Variants in RBFOX1 observed in about 807,000 individuals in gnomAD.
RBFOX1 encodes RNA binding fox-1 homolog 1, also known as RNA binding protein fox-1 homolog 1.
A neutral mutation model predicts 57.7 loss-of-function variants in RBFOX1; 8 were observed. That is an observed-to-expected ratio of 0.14 (90% CI 0.08 to 0.25). The LOEUF (loss-of-function observed/expected upper bound fraction) is 0.25. Among genes scored for constraint, RBFOX1 ranks in the 10% least tolerant of loss-of-function variants. The pLI is 1.00. For missense variants in RBFOX1, 611 were observed against 548.5 expected, an observed-to-expected ratio of 1.11 and a Z score of -1.14; for synonymous variants, 326 against 222.4, an observed-to-expected ratio of 1.47 and a Z score of -4.15.
chr16:7,587,598 A>G (rs1273378222), intron 7 of RBFOX1, among the ~76,000 whole-genome samples: 1 of 152,194 alleles, frequency 6.6e-6, no homozygotes, highest in Non-Finnish European at 1.5e-5. Context: ...AGTGATAATT[A>G]TGTTCTTTAT....
intron 1 of RBFOX1, among the ~76,000 whole-genome samples, chr16:5,383,339 C>A (rs1485705901): frequency 1.3e-5 from 2 of 152,160 alleles, no homozygotes; most frequent in African/African-American, 4.8e-5. Flanking sequence ...AAGATGAGAG[C>A]CGCTCAGACC....
intron 4 of RBFOX1, among the ~76,000 whole-genome samples, chr16:5,888,258 C>T (rs2057949238): frequency 1.3e-5 from 2 of 152,196 alleles, no homozygotes; most frequent in African/African-American, 4.8e-5. Context: ...TCCTCTTCTT[C>T]CTGTGGGCCA....
intron 1 of RBFOX1, among the ~76,000 whole-genome samples, chr16:6,133,510 G>C (rs1010788592): frequency 1.3e-5 from 2 of 152,140 alleles, no homozygotes; most frequent in Admixed American, 1.3e-4. Flanking sequence ...AGTCAACCCT[G>C]CCTTGATTCC....
chr16:6,245,366 A>G (rs986582544), intron 1 of RBFOX1, among the ~76,000 whole-genome samples: 7 of 151,984 alleles, frequency 4.6e-5, no homozygotes, highest in African/African-American at 1.7e-4. Flanking sequence ...TTTTATGGTT[A>G]TTTAAGACTC....
At chr16:6,749,535 C>T (rs955450012) in intron 3 of RBFOX1, among the ~76,000 whole-genome samples, 1 of 152,140 alleles carries the variant, frequency 6.6e-6, no homozygotes, top group African/African-American at 2.4e-5. Context: ...ACTAACCTGC[C>T]TTTGACTTCA....
At chr16:7,400,073 G>A (rs1186161721) in intron 4 of RBFOX1, among the ~76,000 whole-genome samples, 1 of 152,076 alleles carries the variant, frequency 6.6e-6, no homozygotes, top group African/African-American at 2.4e-5. Context: ...CCTCAGGAGG[G>A]GAAGACCATT....
chr16:7,229,378 T>C (rs1381082340), intron 4 of RBFOX1, among the ~76,000 whole-genome samples: 1 of 152,184 alleles, frequency 6.6e-6, no homozygotes, highest in African/African-American at 2.4e-5. Context: ...AATGAAGTTT[T>C]GGTCCTTGCC....
chr16:6,413,636 G>C (rs927370102), intron 2 of RBFOX1, among the ~76,000 whole-genome samples: 1 of 152,182 alleles, frequency 6.6e-6, no homozygotes, highest in Non-Finnish European at 1.5e-5. Flanking sequence ...TTTGTGAAAA[G>C]ATTCTAAATA....
intron 3 of RBFOX1, among the ~76,000 whole-genome samples, chr16:6,736,565 G>A (rs2070371319): frequency 6.6e-6 from 1 of 152,100 alleles, no homozygotes; most frequent in African/African-American, 2.4e-5. Context: ...TTGAGTAATG[G>A]GCATTTGGAT....
At position 6,670,002 on chromosome 16, in the gene RBFOX1, T is replaced by G. The variant is rs549966412; in HGVS notation, c.-16+15352T>G. On this transcript the variant is annotated intron_variant, in intron 3 of 15. Coordinates refer to ENST00000550418, the MANE Select transcript of RBFOX1 (RefSeq NM_018723.4). ...ACTTACAGTAAGGAAAATCTATCTCTGTCTGTCTATCTATCTATCTGTCTA... is the reference window on the plus strand; with the variant it reads ...ACTTACAGTAAGGAAAATCTATCTCGGTCTGTCTATCTATCTATCTGTCTA... 4.1e-3 allele frequency among the ~76,000 whole-genome samples: 620 copies of G among 149,636 alleles called. 4 individuals are homozygous for G. The highest frequency in any genetic ancestry group is 0.013 in the African/African-American group (555 of 41,356).
intron 3 of RBFOX1, among the ~76,000 whole-genome samples, chr16:6,910,134 C>T (rs1333956845): frequency 6.6e-6 from 1 of 151,952 alleles, no homozygotes; most frequent in Non-Finnish European, 1.5e-5. Context: ...AGAGATTGGG[C>T]ATTCTAGCGG....
intron 2 of RBFOX1, among the ~76,000 whole-genome samples, chr16:6,430,526 A>C (rs2094049869): frequency 1.3e-5 from 2 of 152,182 alleles, no homozygotes; most frequent in South Asian, 4.1e-4. Context: ...GTGCGAAGAC[A>C]TGACGGATGG....
intron 2 of RBFOX1, among the ~76,000 whole-genome samples, chr16:6,558,810 C>G (rs1599802585): frequency 2.0e-5 from 3 of 148,378 alleles, no homozygotes. Context: ...AGCCCACTAG[C>G]TCTTGCCTTA....
intron 4 of RBFOX1, among the ~76,000 whole-genome samples, chr16:7,056,540 A>G (rs2052337597): frequency 6.6e-6 from 1 of 152,196 alleles, no homozygotes; most frequent in African/African-American, 2.4e-5. Flanking sequence ...CCTCTCCAGC[A>G]TCTGCACCAA....
Position 7,177,710 on chromosome 16 carries a change from G to C in RBFOX1, c.27+125612G>C, listed in dbSNP as rs140947884. 4.5e-3 allele frequency among the ~76,000 whole-genome samples: 686 copies of C among 152,264 alleles called. 20 individuals carry two copies. Among genetic ancestry groups the C allele is most frequent in the Admixed American group, 0.033 (509 of 15,288 alleles). The stretch of plus-strand genomic sequence containing the variant: ...GGACAGGGGTCAGCAAATCTCTTCT[G>C]TGAGGAGCCAGGTCATAAATATTTT... On this transcript the variant is annotated intron_variant, in intron 4 of 15. Transcript: ENST00000550418.
At chr16:6,594,282 A>C (rs1277093445) in intron 2 of RBFOX1, among the ~76,000 whole-genome samples, 5 of 152,234 alleles carry the variant, frequency 3.3e-5, no homozygotes, top group Non-Finnish European at 5.9e-5. Context: ...TAACAGAACC[A>C]TCTAGACAGC....
chr16:6,999,048 T>G (rs2092525766), intron 3 of RBFOX1, among the ~76,000 whole-genome samples: 1 of 151,304 alleles, frequency 6.6e-6, no homozygotes, highest in African/African-American at 2.4e-5. Flanking sequence ...TTTGTATTAT[T>G]AGTAGAGACA....
At chr16:6,607,417 CCT>C (rs58726712) in intron 2 of RBFOX1, among the ~76,000 whole-genome samples, 11,730 of 143,876 alleles carry the variant, frequency 0.082, 1,124 homozygotes, top group East Asian at 0.23. Context: ...CAGTCTCTCT[CCT>C]CTCTCTCTCT....
intron 1 of RBFOX1, among the ~76,000 whole-genome samples, chr16:6,131,261 T>G (rs1346120768): frequency 6.6e-6 from 1 of 152,226 alleles, no homozygotes; most frequent in African/African-American, 2.4e-5. Context: ...TCTTTAAATC[T>G]TTATTAGCCT....
Sources: gnomAD v4.1 joint callset for allele counts (sites outside exome capture counted in the v4.1 genomes callset) on GRCh38, gnomAD v4.1.1 for gene constraint, MANE v1.5 for transcripts, NCBI Gene and HGNC (gene_info 2026-07-23, HGNC 2026-07-21) for gene names.